The following HTR3A variants were observed in gnomAD, a reference collection of about 807,000 sequenced individuals.
HTR3A encodes the protein 5-hydroxytryptamine receptor 3A, also known as 5-hydroxytryptamine (serotonin) receptor 3A, ionotropic.
HTR3A carries 45 observed loss-of-function variants against 54.8 expected under a neutral mutation model. That is an observed-to-expected ratio of 0.82 (90% CI 0.65 to 1.05). The LOEUF (loss-of-function observed/expected upper bound fraction) is 1.05, where lower values mean the gene tolerates loss of function less well. Ranked by LOEUF, HTR3A falls within the 50% of genes least tolerant of loss-of-function variation. The pLI is 0.00. For synonymous variants in HTR3A, 297 were observed against 256.0 expected, an observed-to-expected ratio of 1.16 and a Z score of -1.53; for missense variants, 657 against 614.0, an observed-to-expected ratio of 1.07 and a Z score of -0.74.
intron 1 of HTR3A, among the ~76,000 whole-genome samples, chr11:113,976,158 G>A (rs1347028007): frequency 1.3e-5 from 2 of 152,192 alleles, no homozygotes; most frequent in Admixed American, 6.5e-5. Flanking sequence ...TTGGACAGAC[G>A]TGAAGAGCTC....
chr11:113,990,090 T>C lies in HTR3A; in HGVS notation c.*327T>C, dbSNP rs1442819546. ...GTTGTGGACTTTTCCCCATTGACCC[T>C]CACCTGAATAAGGGACTTTGGAATT... On this transcript the variant is annotated 3_prime_UTR_variant, in exon 9 of 9. Coordinates refer to ENST00000504030, the MANE Select transcript of HTR3A (RefSeq NM_000869.6). 2 of 528,136 alleles carry C rather than the reference T, an allele frequency of 3.8e-6. No individual in the cohort carries two copies. Among genetic ancestry groups the C allele is most frequent in the East Asian group, 4.9e-5 (1 of 20,256 alleles). The allele number at this position is 528,136 out of a possible 1,614,324, so 32.7% of individuals were successfully genotyped here.
intron 3 of HTR3A, among the ~76,000 whole-genome samples, chr11:113,979,745 G>A (rs146945717): frequency 2.0e-4 from 31 of 152,294 alleles, no homozygotes; most frequent in Admixed American, 1.8e-3. Context: ...AGCCCCTGGT[G>A]TGTGGATACA....
At position 113,990,241 on chromosome 11, in the gene HTR3A, G is replaced by A. The variant is rs984663834; in HGVS notation, c.*478G>A. 6.6e-6 allele frequency: 3 copies of A among 453,934 alleles called. No homozygotes were observed. Among genetic ancestry groups the A allele is most frequent in the East Asian group, 6.9e-5 (1 of 14,398 alleles). 28.1% of individuals were successfully genotyped at this position (453,934 alleles called of 1,614,324 possible). On this transcript the variant is annotated 3_prime_UTR_variant, in exon 9 of 9. Transcript: ENST00000504030. ...TCTTTTTTTTCTTCACCTCACTTGT[G>A]GCAGCTTCCCTGAACACTCATCCCC...
rs528104456 is a variant in HTR3A at position 113,986,962 on chromosome 11, G to A, written c.1054G>A (p.Ala352Thr). The change falls in exon 8 of 9, where the codon GCC becomes ACC. Residue 352 changes from alanine (A) to threonine (T), a missense_variant. Ala to Thr is a moderately conservative substitution (Grantham distance 58). Coordinates refer to ENST00000504030, the MANE Select transcript of HTR3A (RefSeq NM_000869.6). ...GCGTCACCTGGTTCTGGAGAGAATC[G>A]CCTGGCTACTTTGCCTGAGGGAGCA... is the stretch of plus-strand genomic sequence containing the variant. ...WLRHLVLERI[A>T]WLLCLREQST... is the part of the protein sequence containing the mutation. The A allele has an allele frequency of 4.4e-5, 71 of 1,614,072 alleles. No homozygotes were observed. Among genetic ancestry groups the A allele is most frequent in the East Asian group, 1.1e-4 (5 of 44,858 alleles).
intron 5 of HTR3A, among the ~76,000 whole-genome samples, chr11:113,985,405 T>C (rs1950477366): frequency 6.6e-6 from 1 of 152,198 alleles, no homozygotes. Context: ...AATGCAAACA[T>C]CTAATGATTT....
chr11:113,978,034 C>A, intron 2 of HTR3A, 112 bp downstream of exon 2: 1 of 1,280,228 alleles, frequency 7.8e-7, no homozygotes, highest in Non-Finnish European at 1.1e-6. Flanking sequence ...ACCCATAGGA[C>A]CTACGGTCTG....
At chr11:113,982,298 T>C (rs148204190) in intron 4 of HTR3A, among the ~76,000 whole-genome samples, 289 of 151,630 alleles carry the variant, frequency 1.9e-3, no homozygotes, top group African/African-American at 6.6e-3. Context: ...CTCTACCCCA[T>C]ACCCACAGCA....
At chr11:113,977,353 C>A in intron 1 of HTR3A, 1 of 596,986 alleles carries the variant, frequency 1.7e-6, no homozygotes, top group Non-Finnish European at 3.0e-6. Flanking sequence ...AGAAATTGTG[C>A]ACTTGGGGTC....
chr11:113,977,719 CG>C, intron 1 of HTR3A, 51 bp from the exon 2 acceptor site: 2 of 1,597,924 alleles, frequency 1.3e-6, no homozygotes, highest in South Asian at 2.2e-5. Flanking sequence ...ACAAGAGAAC[CG>C]GGGGAAGTCT....
In HTR3A at chr11:113,986,885, T is replaced by A. The variant is rs755125305; in HGVS notation, c.977T>A (p.Ile326Asn). 6.2e-7 allele frequency: 1 copy of A among 1,613,962 alleles called. No homozygotes were observed. Among genetic ancestry groups the A allele is most frequent in the Non-Finnish European group, 8.5e-7 (1 of 1,180,018 alleles). ...LVISLAETIF[I>N]VRLVHKQDLQ... The stretch of plus-strand genomic sequence containing the variant: ...ATAAGTTTGGCCGAGACCATCTTCA[T>A]TGTGCGGCTGGTGCACAAGCAAGAC... Residue 326 changes from isoleucine (I) to asparagine (N), a missense_variant, in exon 8 of 9, where the codon ATT (isoleucine) becomes AAT (asparagine). Coordinates refer to ENST00000504030, the MANE Select transcript of HTR3A (RefSeq NM_000869.6).
At chr11:113,988,776 CAACAAACA>C (rs57518247) in intron 8 of HTR3A, among the ~76,000 whole-genome samples, 6 of 151,854 alleles carry the variant, frequency 4.0e-5, no homozygotes, top group South Asian at 4.2e-4. Context: ...AACAAACAAA[CAACAAACA>C]AACAAACAAA....
At chr11:113,986,425 C>A in intron 6 of HTR3A, 93 bp from the exon 7 acceptor site, 2 of 1,425,594 alleles carry the variant, frequency 1.4e-6, no homozygotes, top group South Asian at 2.3e-5. Flanking sequence ...AGGCTGGAAG[C>A]CCCATAAAAC....
Position 113,975,215 on chromosome 11 carries a change from C to A in HTR3A, c.-111C>A. 9.8e-7 allele frequency: 1 copy of A among 1,023,978 alleles called. No individual in the cohort carries two copies. The highest frequency in any genetic ancestry group is 1.5e-6 in the Non-Finnish European group (1 of 669,586). The allele number at this position is 1,023,978 out of a possible 1,614,324, so 63.4% of individuals were successfully genotyped here. A position where few individuals can be genotyped will look rare whatever the true frequency, so the allele number is the denominator to read the frequency against. ...AGCCTCAGAAGGTGTGAGCAGTGGCCACGAGAGGCAGGCTGGCTGGGACAT... is the reference window on the plus strand; with the variant it reads ...AGCCTCAGAAGGTGTGAGCAGTGGCAACGAGAGGCAGGCTGGCTGGGACAT... On this transcript the variant is annotated 5_prime_UTR_variant, in exon 1 of 9. Transcript: ENST00000504030.
intron 4 of HTR3A, among the ~76,000 whole-genome samples, chr11:113,981,519 G>A (rs1474151361): frequency 2.6e-5 from 4 of 151,874 alleles, no homozygotes; most frequent in African/African-American, 7.3e-5. Flanking sequence ...CCTTCTTTTC[G>A]GTGCTTGATG....
At chr11:113,982,285 A>G (rs1250811057) in intron 4 of HTR3A, among the ~76,000 whole-genome samples, 1 of 152,114 alleles carries the variant, frequency 6.6e-6, no homozygotes, top group African/African-American at 2.4e-5. Flanking sequence ...GGGATCAGCC[A>G]TCCTCTACCC....
chr11:113,986,601 C>CTT lies in HTR3A; in HGVS notation c.790_791dup (p.Tyr265SerfsTer25). ...TCCTCATGGTCATGGACATCGTGGGCTTCTACCTGCCCCCCAACAGTGGCG... is the reference window on the plus strand; with the variant it reads ...TCCTCATGGTCATGGACATCGTGGGCTTTTCTACCTGCCCCCCAACAGTGGCG... On this transcript the variant is annotated frameshift_variant, in exon 7 of 9. Transcript: ENST00000504030. LOFTEE classifies it high-confidence loss of function. 1 of 1,613,690 alleles carries CTT rather than the reference C, an allele frequency of 6.2e-7. No individual in the cohort carries two copies.
chr11:113,979,336 A>G (rs2137571546), intron 3 of HTR3A, 59 bp downstream of exon 3: 10 of 1,407,172 alleles, frequency 7.1e-6, no homozygotes, highest in Non-Finnish European at 1.0e-5. Flanking sequence ...GGAGTCGGGA[A>G]TTCGGGAGTT....
intron 1 of HTR3A, among the ~76,000 whole-genome samples, chr11:113,976,675 G>T (rs1166175524): frequency 6.9e-6 from 1 of 144,398 alleles, no homozygotes; most frequent in Non-Finnish European, 1.5e-5. Flanking sequence ...AAAAGGGGGT[G>T]AAAGGAGGGG....
intron 4 of HTR3A, among the ~76,000 whole-genome samples, chr11:113,982,054 C>A (rs929354158): frequency 3.3e-5 from 5 of 152,124 alleles, no homozygotes; most frequent in African/African-American, 1.2e-4. Flanking sequence ...GTTCAGACCT[C>A]CCAAGTTACC....
Sources: gnomAD v4.1 joint callset for allele counts (sites outside exome capture counted in the v4.1 genomes callset) on GRCh38, gnomAD v4.1.1 for gene constraint, MANE v1.5 for transcripts, NCBI Gene and HGNC (gene_info 2026-07-23, HGNC 2026-07-21) for gene names.